Variants in WIPI2 observed in about 807,000 individuals in gnomAD.
The protein encoded by WIPI2 is WD repeat domain, phosphoinositide interacting 2, also known as WD repeat domain phosphoinositide-interacting protein 2.
Under a neutral mutation model 52.3 loss-of-function variants are expected in WIPI2, and 28 were observed. That is an observed-to-expected ratio of 0.54 (90% CI 0.40 to 0.73). The LOEUF (loss-of-function observed/expected upper bound fraction) is 0.73. Among genes scored for constraint, WIPI2 ranks in the 30% least tolerant of loss-of-function variants. The probability of loss-of-function intolerance (pLI) is 0.00; values close to 1 mark genes in which losing one functional copy is unlikely to be tolerated. For synonymous variants in WIPI2, 268 were observed against 245.0 expected, an observed-to-expected ratio of 1.09 and a Z score of -0.88; for missense variants, 506 against 602.9, an observed-to-expected ratio of 0.84 and a Z score of 1.68.
rs780359543 is a variant in WIPI2, at chr7:5,228,122, G to A, written c.1032G>A (p.Arg344=). Residue 344 remains arginine, a synonymous_variant, in exon 11 of 13, where the codon CGG becomes CGA. Coordinates refer to ENST00000288828, the MANE Select transcript of WIPI2 (RefSeq NM_015610.4). The stretch of plus-strand genomic sequence containing the variant: ...TCCCTAGAATTCAGAAGATCCCGCG[G>A]TTGTTGGTGGGTGCCGCCGACGGGT... The part of the protein sequence containing the change: ...CSLATIQKIP[R]LLVGAADGYL... 1.2e-6 allele frequency: 2 copies of A among 1,614,022 alleles called. No homozygotes were observed. Among genetic ancestry groups the A allele is most frequent in the Non-Finnish European group, 1.7e-6 (2 of 1,180,016 alleles).
chr7:5,228,720 G>C (rs1006803090), intron 11 of WIPI2, among the ~76,000 whole-genome samples: 5 of 152,206 alleles, frequency 3.3e-5, no homozygotes, highest in African/African-American at 1.2e-4. Flanking sequence ...TGATCAAAAA[G>C]TTCTAACAAC....
chr7:5,219,678 T>G (rs893425999), intron 7 of WIPI2, among the ~76,000 whole-genome samples: 1 of 152,186 alleles, frequency 6.6e-6, no homozygotes, highest in Non-Finnish European at 1.5e-5. Flanking sequence ...GCCACAAAAT[T>G]ATGTCTCATC....
chr7:5,218,335 G>A (rs1404372145), intron 7 of WIPI2: 1 of 247,474 alleles, frequency 4.0e-6, no homozygotes, highest in Non-Finnish European at 8.0e-6. Context: ...TAACAGTAAA[G>A]AACCCAGACA....
chr7:5,230,878 GGAC>G lies in WIPI2; in HGVS notation c.1299_1301del (p.Asp433del). 1 of 1,613,922 alleles carries G rather than the reference GGAC, an allele frequency of 6.2e-7. No homozygotes were observed. Among genetic ancestry groups the G allele is most frequent in the Non-Finnish European group, 8.5e-7 (1 of 1,179,922 alleles). On this transcript the variant is annotated inframe_deletion, in exon 13 of 13. Coordinates refer to ENST00000288828, the MANE Select transcript of WIPI2 (RefSeq NM_015610.4). This position sits in a 1 kb window ranked among gnomAD's most constrained non-coding sequence, Gnocchi z 4.8. The stretch of plus-strand genomic sequence containing the variant: ...GTGCTGTGGGTGGCGCCTGCCTGGA[GGAC>G]GAGGCCAGCGCCCTGCGCCTGGATG...
At chr7:5,200,613 G>A (rs889589795) in intron 3 of WIPI2, among the ~76,000 whole-genome samples, 17 of 152,144 alleles carry the variant, frequency 1.1e-4, no homozygotes, top group African/African-American at 3.9e-4. Context: ...GAGTGCAGTG[G>A]TGCCATCTTG....
intron 3 of WIPI2, among the ~76,000 whole-genome samples, chr7:5,202,548 T>C (rs967942443): frequency 2.0e-5 from 3 of 151,794 alleles, no homozygotes; most frequent in Admixed American, 1.3e-4. Flanking sequence ...TACACCTGGC[T>C]GATTTTTTTT....
At chr7:5,217,713 AC>A (rs1441058391) in intron 6 of WIPI2, 1 of 589,256 alleles carries the variant, frequency 1.7e-6, no homozygotes, top group East Asian at 2.9e-5. Context: ...AACATAGAAA[AC>A]CTTAGGGATA....
intron 4 of WIPI2, 101 bp downstream of exon 4, chr7:5,214,805 G>T (rs779576784): frequency 4.3e-6 from 6 of 1,382,198 alleles, no homozygotes; most frequent in Admixed American, 1.8e-5. Flanking sequence ...TTCCCTTGCT[G>T]CCTGGCCCCA....
At chr7:5,220,728 G>A (rs1248924329) in intron 7 of WIPI2, among the ~76,000 whole-genome samples, 1 of 151,902 alleles carries the variant, frequency 6.6e-6, no homozygotes, top group African/African-American at 2.4e-5. Context: ...CTCCTGTCTT[G>A]GCCTCCCCAA....
At chr7:5,200,553 T>G (rs992874424) in intron 3 of WIPI2, among the ~76,000 whole-genome samples, 2 of 35,418 alleles carry the variant, frequency 5.6e-5, no homozygotes, top group Non-Finnish European at 1.3e-4. Flanking sequence ...GTGCAGTCTT[T>G]TTTGTTTGTT....
chr7:5,217,619 G>A (rs1289809668), intron 6 of WIPI2: 1 of 438,346 alleles, frequency 2.3e-6, no homozygotes, highest in Non-Finnish European at 4.2e-6. Flanking sequence ...CTCAGTAGCA[G>A]AGTAGGTCTG....
chr7:5,221,929 C>CCA (rs1783151783), intron 7 of WIPI2, among the ~76,000 whole-genome samples: 1 of 151,156 alleles, frequency 6.6e-6, no homozygotes, highest in African/African-American at 2.4e-5. Context: ...TGCCCGTGTA[C>CCA]CACACACAAA....
chr7:5,227,131 C>A lies in WIPI2; in HGVS notation c.849-49C>A. 2 of 1,605,180 alleles carry A rather than the reference C, an allele frequency of 1.2e-6. No individual in the cohort carries two copies. The highest frequency in any genetic ancestry group is 2.2e-5 in the East Asian group (1 of 44,756). On this transcript the variant is annotated intron_variant, in intron 9 of 12. Transcript: ENST00000288828. The surrounding 1 kb of genome is among the most constrained non-coding windows in gnomAD (Gnocchi z 8.1). ...GTCTGTGTGAGTAGGGGGTGGCCGTCCCCCCAGGGAGGGTGCAGCTTCATG... is the reference window on the plus strand; with the variant it reads ...GTCTGTGTGAGTAGGGGGTGGCCGTACCCCCAGGGAGGGTGCAGCTTCATG...
At chr7:5,192,149 A>G (rs1251813127) in intron 1 of WIPI2, among the ~76,000 whole-genome samples, 2 of 152,230 alleles carry the variant, frequency 1.3e-5, no homozygotes, top group Non-Finnish European at 2.9e-5. Flanking sequence ...CAAGTACTGT[A>G]GCGTTCTGTG....
chr7:5,205,882 GTTTT>G (rs11300150), intron 3 of WIPI2, among the ~76,000 whole-genome samples: 2 of 145,008 alleles, frequency 1.4e-5, no homozygotes, highest in Non-Finnish European at 1.5e-5. Flanking sequence ...TGCTGCCACT[GTTTT>G]TTTTTTTTTT....
intron 3 of WIPI2, among the ~76,000 whole-genome samples, chr7:5,203,413 A>T (rs1401860794): frequency 6.6e-6 from 1 of 152,200 alleles, no homozygotes; most frequent in East Asian, 1.9e-4. Context: ...TTCCCACTCC[A>T]GAGCTTCATC....
At chr7:5,214,471 G>T (rs1434170679) in intron 3 of WIPI2, 64 bp from the exon 4 acceptor site, 2 of 1,613,816 alleles carry the variant, frequency 1.2e-6, no homozygotes, top group African/African-American at 1.3e-5. Context: ...TTTGAGCGCA[G>T]ATTCTGCCTG....
At chr7:5,214,840 T>C (rs1363347127) in intron 4 of WIPI2, 136 bp downstream of exon 4, 1 of 981,790 alleles carries the variant, frequency 1.0e-6, no homozygotes, top group Non-Finnish European at 1.5e-6. Flanking sequence ...GATCCTTGCC[T>C]ACAGAGACCA....
chr7:5,196,156 A>G (rs1409811630), intron 2 of WIPI2, among the ~76,000 whole-genome samples: 2 of 152,056 alleles, frequency 1.3e-5, no homozygotes, highest in Non-Finnish European at 2.9e-5. Flanking sequence ...ACTGACCAAC[A>G]TGGTGAAACC....
Sources: gnomAD v4.1 joint callset for allele counts (sites outside exome capture counted in the v4.1 genomes callset) on GRCh38, gnomAD v4.1.1 for gene constraint, Gnocchi (gnomAD v3.1) non-coding constraint, MANE v1.5 for transcripts, NCBI Gene and HGNC (gene_info 2026-07-23, HGNC 2026-07-21) for gene names.